The following PDE1A variants were observed in gnomAD, a reference collection of about 807,000 sequenced individuals.
PDE1A encodes the protein phosphodiesterase 1A, also known as dual specificity calcium/calmodulin-dependent 3',5'-cyclic nucleotide phosphodiesterase 1A.
PDE1A carries 35 observed loss-of-function variants against 61.7 expected under a neutral mutation model. The ratio of observed to expected loss-of-function variants is 0.57; its 90% CI spans 0.43 to 0.75. PDE1A has a LOEUF of 0.75. Among genes scored for constraint, PDE1A ranks in the 30% least tolerant of loss-of-function variants. The pLI is 0.00. For missense variants in PDE1A, 597 were observed against 630.6 expected (o/e 0.95, Z 0.57); for synonymous variants, 232 against 213.2 (o/e 1.09, Z -0.77).
chr2:182,429,951 C>T (rs906721345), upstream of PDE1A, among the ~76,000 whole-genome samples: 28 of 152,256 alleles, frequency 1.8e-4, no homozygotes, highest in African/African-American at 5.8e-4. Context: ...CGTGAGACCA[C>T]ATGTGTGTTC....
chr2:182,706,770 TC>T, the PDE1A span, among the ~76,000 whole-genome samples: 1 of 152,208 alleles, frequency 6.6e-6, no homozygotes, highest in African/African-American at 2.4e-5. Context: ...GCCTGGGCAT[TC>T]TGATTTCACA....
the PDE1A span, among the ~76,000 whole-genome samples, chr2:182,586,106 C>T: frequency 3.3e-5 from 5 of 152,280 alleles, 1 homozygote; most frequent in Admixed American, 2.6e-4. Flanking sequence ...TCTCCCCCAT[C>T]TTTCTCCTAC....
chr2:182,386,299 G>GC (rs1701076316), intron 1 of PDE1A, among the ~76,000 whole-genome samples: 1 of 151,952 alleles, frequency 6.6e-6, no homozygotes, highest in East Asian at 1.9e-4. Flanking sequence ...TCTCTGCTTG[G>GC]CCGCCCATCA....
chr2:182,346,201 CCCA>C (rs754000401), intron 1 of PDE1A, among the ~76,000 whole-genome samples: 1 of 151,798 alleles, frequency 6.6e-6, no homozygotes, highest in Non-Finnish European at 1.5e-5. Flanking sequence ...GTATATTATC[CCCA>C]CCAACAAGAG....
At chr2:182,562,451 G>A in the PDE1A span, among the ~76,000 whole-genome samples, 1 of 150,928 alleles carries the variant, frequency 6.6e-6, no homozygotes, top group African/African-American at 2.4e-5. Context: ...GCTGGATTCG[G>A]TTTGCCAGTA....
At chr2:182,413,187 T>C (rs1702721611) in intron 1 of PDE1A, among the ~76,000 whole-genome samples, 1 of 152,130 alleles carries the variant, frequency 6.6e-6, no homozygotes, top group Non-Finnish European at 1.5e-5. Flanking sequence ...TATAAAGTGC[T>C]TGCAATCTCA....
the PDE1A span, among the ~76,000 whole-genome samples, chr2:182,627,105 AAAATATAAAT>A: frequency 1.1e-4 from 7 of 62,230 alleles, no homozygotes; most frequent in Admixed American, 3.5e-4. Context: ...ATGTATATAT[AAAATATAAAT>A]AATATATTAT....
At chr2:182,256,163 C>A (rs1386896832) in intron 2 of PDE1A, among the ~76,000 whole-genome samples, 2 of 141,950 alleles carry the variant, frequency 1.4e-5, no homozygotes, top group Non-Finnish European at 3.0e-5. Flanking sequence ...TATACATGTG[C>A]CATGCTGGTG....
intron 1 of PDE1A, among the ~76,000 whole-genome samples, chr2:182,281,268 T>TG (rs1203479631): frequency 6.6e-6 from 1 of 151,972 alleles, no homozygotes; most frequent in Non-Finnish European, 1.5e-5. Context: ...ATAACACGGA[T>TG]GCTGGTTTTC....
intron 1 of PDE1A, among the ~76,000 whole-genome samples, chr2:182,312,030 G>A (rs1040894808): frequency 1.3e-5 from 2 of 152,090 alleles, no homozygotes; most frequent in Admixed American, 6.6e-5. Context: ...AGTGATGAAT[G>A]CTTCTGATGC....
chr2:182,217,871 G>C (rs1416827618), intron 7 of PDE1A, among the ~76,000 whole-genome samples: 2 of 151,988 alleles, frequency 1.3e-5, no homozygotes, highest in African/African-American at 2.4e-5. Flanking sequence ...AGATTCCTCA[G>C]GGATCTAGAA....
chr2:182,198,022 T>C (rs1267083834), intron 10 of PDE1A, among the ~76,000 whole-genome samples: 1 of 151,936 alleles, frequency 6.6e-6, no homozygotes, highest in Non-Finnish European at 1.5e-5. Flanking sequence ...ATATTGAGTC[T>C]TTCAGTCATT....
chr2:182,667,119 C>T, the PDE1A span, among the ~76,000 whole-genome samples: 5 of 152,178 alleles, frequency 3.3e-5, no homozygotes, highest in Non-Finnish European at 7.3e-5. Flanking sequence ...CATCACTCTC[C>T]ACTAGGTGGC....
At chr2:182,588,106 G>A in the PDE1A span, among the ~76,000 whole-genome samples, 2 of 152,220 alleles carry the variant, frequency 1.3e-5, no homozygotes, top group Non-Finnish European at 2.9e-5. Flanking sequence ...TTGCAATTAA[G>A]TAACCTTACT....
At chr2:182,393,345 G>A (rs1376090487) in intron 1 of PDE1A, among the ~76,000 whole-genome samples, 1 of 151,814 alleles carries the variant, frequency 6.6e-6, no homozygotes, top group African/African-American at 2.4e-5. Flanking sequence ...TCCCTAGACT[G>A]CACACAGCAG....
intron 1 of PDE1A, among the ~76,000 whole-genome samples, chr2:182,353,086 C>T (rs528514765): frequency 6.6e-6 from 1 of 152,240 alleles, no homozygotes; most frequent in South Asian, 2.1e-4. Context: ...ATCACAATTA[C>T]ATATGGAAAA....
chr2:182,708,503 C>T, the PDE1A span, among the ~76,000 whole-genome samples: 32 of 152,218 alleles, frequency 2.1e-4, no homozygotes, highest in Non-Finnish European at 3.2e-4. Flanking sequence ...TTCCCTGAGA[C>T]GGGGTAATTT....
At chr2:182,644,291 G>GTGTGTGTC in the PDE1A span, among the ~76,000 whole-genome samples, 5 of 148,740 alleles carry the variant, frequency 3.4e-5, no homozygotes, top group South Asian at 2.1e-4. Context: ...GTGTGTGTGT[G>GTGTGTGTC]TGTGTGTGTC....
At chr2:182,198,685 C>T (rs1006946128) in intron 10 of PDE1A, among the ~76,000 whole-genome samples, 6 of 151,616 alleles carry the variant, frequency 4.0e-5, no homozygotes, top group African/African-American at 1.5e-4. Context: ...ATGATATGCA[C>T]TATCTTACTA....
Sources: allele counts gnomAD v4.1 joint callset (sites outside exome capture counted in the v4.1 genomes callset), GRCh38; gene constraint gnomAD v4.1.1; transcripts MANE v1.5; gene names NCBI Gene and HGNC (gene_info 2026-07-23, HGNC 2026-07-21).